The following FBH1 variants were observed in gnomAD, a reference collection of about 807,000 sequenced individuals.
FBH1 encodes the protein DNA 3'-5' helicase 1.
FBH1 carries 43 observed loss-of-function variants against 115.5 expected under a neutral mutation model. The observed-to-expected ratio is 0.37, with a 90% CI of 0.29 to 0.48. The LOEUF (loss-of-function observed/expected upper bound fraction) is 0.48. Among genes scored for constraint, FBH1 ranks in the 20% least tolerant of loss-of-function variants. The pLI is 0.99. For missense variants in FBH1, 1,001 were observed against 1,337.3 expected (o/e 0.75, Z 3.92); for synonymous variants, 524 against 507.8 (o/e 1.03, Z -0.43).
In FBH1 at chr10:5,925,152, C is replaced by G. The variant is rs1466497853; in HGVS notation, c.2597-215C>G. ...CCGAGAGGCGTTAACTCTCCTGCAA[C>G]TAATTTTCGACTTTTCCCCTCGTCT... is the stretch of plus-strand genomic sequence containing the variant. On this transcript the variant is annotated intron_variant, in intron 17 of 20. Coordinates refer to ENST00000362091, the MANE Select transcript of FBH1 (RefSeq NM_178150.3). This position sits in a 1 kb window ranked among gnomAD's most constrained non-coding sequence, Gnocchi z 4.6. The G allele has an allele frequency of 1.8e-6, 1 of 557,480 alleles. No homozygotes were observed. Among genetic ancestry groups the G allele is most frequent in the Non-Finnish European group, 3.1e-6 (1 of 320,850 alleles). The allele number at this position is 557,480 out of a possible 1,614,324, so 34.5% of individuals were successfully genotyped here.
chr10:5,894,234 T>C, intron 1 of FBH1: 1 of 985,482 alleles, frequency 1.0e-6, no homozygotes, highest in Non-Finnish European at 1.2e-6. Context: ...GGACACAATA[T>C]TTTGAAGTTT....
rs1589043671 is a variant in FBH1, at chr10:5,895,207, C to T, written c.1+4861C>T. Reference sequence around the variant, plus strand: ...CTGAAAGTAAGAGGCATGTGGGAAACTGACCAGGGCGGTTAGCTGACTCCA... The same window carrying T: ...CTGAAAGTAAGAGGCATGTGGGAAATTGACCAGGGCGGTTAGCTGACTCCA... On this transcript the variant is annotated intron_variant, in intron 1 of 20. Transcript: ENST00000362091. The surrounding 1 kb of genome is among the most constrained non-coding windows in gnomAD (Gnocchi z 5.0). 3.1e-6 allele frequency: 5 copies of T among 1,603,212 alleles called. No homozygotes were observed. The highest frequency in any genetic ancestry group is 4.3e-6 in the Non-Finnish European group (5 of 1,172,872).
At position 5,906,359 on chromosome 10, in the gene FBH1, G is replaced by A. The variant is rs1410296668; in HGVS notation, c.480G>A (p.Arg160=). Reference sequence around the variant, plus strand: ...TGTCTGTGCCATGCACAAGGCCTAGGGAGGCCAGGCAAGAAGCAGAGGACA... The same window carrying A: ...TGTCTGTGCCATGCACAAGGCCTAGAGAGGCCAGGCAAGAAGCAGAGGACA... The part of the protein sequence containing the change: ...HHLSVPCTRP[R]EARQEAEDST... The change falls in exon 3 of 21, where the codon AGG becomes AGA. Residue 160 remains arginine (R), a synonymous_variant. Coordinates refer to ENST00000362091, the MANE Select transcript of FBH1 (RefSeq NM_178150.3). The surrounding 1 kb of genome is among the most constrained non-coding windows in gnomAD (Gnocchi z 7.3). The A allele has an allele frequency of 6.2e-7, 1 of 1,614,218 alleles. No homozygotes were observed.
intron 3 of FBH1, among the ~76,000 whole-genome samples, chr10:5,908,584 G>A (rs1024405308): frequency 1.3e-5 from 2 of 151,582 alleles, no homozygotes; most frequent in African/African-American, 2.4e-5. Context: ...TGTGTTTGTG[G>A]CTTAATCTGC....
At chr10:5,916,582 G>A (rs1831961947) in intron 10 of FBH1, 126 bp downstream of exon 10, 2 of 717,698 alleles carry the variant, frequency 2.8e-6, no homozygotes, top group Admixed American at 3.0e-5. Context: ...CAGGGGAAGT[G>A]TTAGGGGTCT....
Position 5,913,682 on chromosome 10 carries a change from G to A in FBH1, c.1212-65G>A. On this transcript the variant is annotated intron_variant, in intron 6 of 20. Coordinates refer to ENST00000362091, the MANE Select transcript of FBH1 (RefSeq NM_178150.3). This position sits in a 1 kb window ranked among gnomAD's most constrained non-coding sequence, Gnocchi z 4.4. ...GGGAAGGAGTTTAAATCCATCTGAG[G>A]AAAAATAAGATGCAGATTGTGACTT... 8.6e-7 allele frequency: 1 copy of A among 1,162,964 alleles called. No homozygotes were observed. The highest frequency in any genetic ancestry group is 2.7e-5 in the Admixed American group (1 of 36,954). 72.0% of individuals were successfully genotyped at this position (1,162,964 alleles called of 1,614,324 possible).
chr10:5,917,331 A>G lies in FBH1; in HGVS notation c.1789-89A>G, dbSNP rs552002247. 36 of 1,078,178 alleles carry G rather than the reference A, an allele frequency of 3.3e-5. 1 individual carries two copies. Among genetic ancestry groups the G allele is most frequent in the Admixed American group, 2.9e-4 (15 of 51,226 alleles). The allele number at this position is 1,078,178 out of a possible 1,614,324, so 66.8% of individuals were successfully genotyped here. A position where few individuals can be genotyped will look rare whatever the true frequency, so the allele number is the denominator to read the frequency against. On this transcript the variant is annotated intron_variant, in intron 10 of 20. Coordinates refer to ENST00000362091, the MANE Select transcript of FBH1 (RefSeq NM_178150.3). This position sits in a 1 kb window ranked among gnomAD's most constrained non-coding sequence, Gnocchi z 5.6. ...CCTTCTGTGAGGATGCCCTGGCTCC[A>G]CTGCTGTATGGGAGTTGACAGTGTG...
chr10:5,907,458 TTTTG>T (rs1843770023), intron 3 of FBH1, among the ~76,000 whole-genome samples: 1 of 133,390 alleles, frequency 7.5e-6, no homozygotes, highest in Non-Finnish European at 1.7e-5. Flanking sequence ...AGAATGTGTT[TTTTG>T]TTGTTGTTGG....
rs758362393 is a variant in FBH1 at position 5,917,541 on chromosome 10, T to C, written c.1876+34T>C. On this transcript the variant is annotated intron_variant, in intron 11 of 20. Coordinates refer to ENST00000362091, the MANE Select transcript of FBH1 (RefSeq NM_178150.3). This position sits in a 1 kb window ranked among gnomAD's most constrained non-coding sequence, Gnocchi z 5.6. ...CTGCCGAATGGCGGGGACTGGCCAA[T>C]GGGACTGCCTTCCTGGCGTTACAAC... The C allele has an allele frequency of 6.2e-7, 1 of 1,613,444 alleles. No individual in the cohort carries two copies.
chr10:5,912,374 A>AT (rs1831651207), intron 6 of FBH1, among the ~76,000 whole-genome samples: 1 of 151,722 alleles, frequency 6.6e-6, no homozygotes, highest in South Asian at 2.1e-4. Flanking sequence ...AAAAAAAAAA[A>AT]AAATGTAGAA....
At chr10:5,894,224 G>T in intron 1 of FBH1, 1 of 985,316 alleles carries the variant, frequency 1.0e-6, no homozygotes, top group Non-Finnish European at 1.2e-6. Flanking sequence ...GAGCTAATGG[G>T]GACACAATAT....
chr10:5,903,134 A>G lies in FBH1; in HGVS notation c.116A>G (p.His39Arg), dbSNP rs772665760. The change falls in exon 2 of 21, where the codon CAT (histidine) becomes CGT (arginine). Residue 39 changes from histidine (H) to arginine (R), a missense_variant. This residue lies in a region of FBH1 where 420 missense variants were observed against 430.4 expected (regional missense o/e 0.98). Coordinates refer to ENST00000362091, the MANE Select transcript of FBH1 (RefSeq NM_178150.3). Reference sequence around the variant, plus strand: ...AGATGGACAAACAGAGATCCGAACCATGGTCTCTATCCTAAACCGAGAACA... The same window carrying G: ...AGATGGACAAACAGAGATCCGAACCGTGGTCTCTATCCTAAACCGAGAACA... ...GQRWTNRDPN[H>R]GLYPKPRTKR... The G allele has an allele frequency of 1.9e-6, 3 of 1,613,782 alleles. No homozygotes were observed. Among genetic ancestry groups the G allele is most frequent in the South Asian group, 2.2e-5 (2 of 90,960 alleles).
intron 18 of FBH1, among the ~76,000 whole-genome samples, chr10:5,926,235 C>T (rs1832646481): frequency 6.6e-6 from 1 of 152,130 alleles, no homozygotes; most frequent in South Asian, 2.1e-4. Flanking sequence ...ATTCTCCTGC[C>T]TCAGAGTAGC....
At chr10:5,934,388 T>C (rs1490278332) in intron 19 of FBH1, 1 of 150,962 alleles carries the variant, frequency 6.6e-6, no homozygotes, top group African/African-American at 2.4e-5. Context: ...TTTTTTTTTT[T>C]TTTGAGATGG....
At chr10:5,928,601 A>G (rs1017428445) in intron 19 of FBH1, 1 of 152,204 alleles carries the variant, frequency 6.6e-6, no homozygotes, top group Non-Finnish European at 1.5e-5. Context: ...GTGTTCAGGC[A>G]CCTGGCCTTT....
rs1831576086 is a variant in FBH1, at chr10:5,911,315, G to A, written c.1211+187G>A. ...GTTTGATGTGGAAAGGCTGGTAAGA[G>A]CGCCTTATGAACGTGCAGTTCTGAG... is the stretch of plus-strand genomic sequence containing the variant. On this transcript the variant is annotated intron_variant, in intron 6 of 20. Transcript: ENST00000362091. The surrounding 1 kb of genome is among the most constrained non-coding windows in gnomAD (Gnocchi z 5.4). 6.6e-6 allele frequency among the ~76,000 whole-genome samples: 1 copy of A among 152,242 alleles called. No homozygotes were observed. Among genetic ancestry groups the A allele is most frequent in the Admixed American group, 6.5e-5 (1 of 15,288 alleles).
rs772253229 is a variant in FBH1 at position 5,917,307 on chromosome 10, C to A, written c.1789-113C>A. 8.8e-5 allele frequency: 74 copies of A among 838,256 alleles called. No homozygotes were observed. Among genetic ancestry groups the A allele is most frequent in the Non-Finnish European group, 1.3e-4 (68 of 504,120 alleles). The allele number at this position is 838,256 out of a possible 1,614,324, so 51.9% of individuals were successfully genotyped here. A position where few individuals can be genotyped will look rare whatever the true frequency, so the allele number is the denominator to read the frequency against. On this transcript the variant is annotated intron_variant, in intron 10 of 20. Transcript: ENST00000362091. This position sits in a 1 kb window ranked among gnomAD's most constrained non-coding sequence, Gnocchi z 5.6. ...GGTTAGGGTGGTGTCTGCGGTCCCCCTTCTGTGAGGATGCCCTGGCTCCAC... is the reference window on the plus strand; with the variant it reads ...GGTTAGGGTGGTGTCTGCGGTCCCCATTCTGTGAGGATGCCCTGGCTCCAC...
Position 5,924,511 on chromosome 10 carries a change from A to G in FBH1, c.2596+3A>G. ...TATAGAAGATTTGGACTTTGCAGGT[A>G]AGGGAAGCAGTTGGTTTTTACCTTC... On this transcript the variant is annotated splice_donor_region_variant and intron_variant, in intron 17 of 20. Coordinates refer to ENST00000362091, the MANE Select transcript of FBH1 (RefSeq NM_178150.3). The surrounding 1 kb of genome is among the most constrained non-coding windows in gnomAD (Gnocchi z 6.2). The G allele has an allele frequency of 6.2e-7, 1 of 1,613,802 alleles. No individual in the cohort carries two copies. Among genetic ancestry groups the G allele is most frequent in the South Asian group, 1.1e-5 (1 of 91,060 alleles).
chr10:5,916,705 G>A (rs1316532765), intron 10 of FBH1, among the ~76,000 whole-genome samples: 11 of 29,202 alleles, frequency 3.8e-4, no homozygotes, highest in African/African-American at 5.7e-4. Context: ...ATGGGGGAAC[G>A]GGAAGTGTTA....
Sources: allele counts gnomAD v4.1 joint callset (sites outside exome capture counted in the v4.1 genomes callset), GRCh38; gene constraint gnomAD v4.1.1; regional missense constraint gnomAD v4.1.1; non-coding constraint Gnocchi (gnomAD v3.1); transcripts MANE v1.5; gene names NCBI Gene and HGNC (gene_info 2026-07-23, HGNC 2026-07-21).